Variants in SP1 observed in about 807,000 individuals in gnomAD.
SP1 encodes the protein Sp1 transcription factor.
In SP1, 6 loss-of-function variants were observed where a neutral mutation model predicts 66.3. That is an observed-to-expected ratio of 0.09 (90% CI 0.05 to 0.18). SP1 has a LOEUF of 0.18. Among genes scored for constraint, SP1 ranks in the 10% least tolerant of loss-of-function variants. The pLI is 1.00. For synonymous variants in SP1, 417 were observed against 360.8 expected, an observed-to-expected ratio of 1.16 and a Z score of -1.77; for missense variants, 848 against 964.5, an observed-to-expected ratio of 0.88 and a Z score of 1.60.
At chr12:53,401,263 C>G (rs933548314) in intron 3 of SP1, among the ~76,000 whole-genome samples, 2 of 151,506 alleles carry the variant, frequency 1.3e-5, no homozygotes, top group Admixed American at 6.6e-5. Context: ...CCAGCCTGAC[C>G]AACATGGTGA....
intron 3 of SP1, among the ~76,000 whole-genome samples, chr12:53,385,157 T>C (rs903788014): frequency 6.6e-6 from 1 of 150,676 alleles, no homozygotes; most frequent in African/African-American, 2.5e-5. Context: ...TAGCCAGGCA[T>C]GGTGATGCGC....
At chr12:53,387,335 T>TA (rs1297053079) in intron 3 of SP1, among the ~76,000 whole-genome samples, 3 of 152,220 alleles carry the variant, frequency 2.0e-5, no homozygotes, top group Non-Finnish European at 4.4e-5. Flanking sequence ...AACTGATTCT[T>TA]ACATAAGTGA....
intron 3 of SP1, among the ~76,000 whole-genome samples, chr12:53,393,265 A>G (rs1327096871): frequency 1.3e-5 from 2 of 152,182 alleles, no homozygotes; most frequent in Non-Finnish European, 2.9e-5. Flanking sequence ...CCTGGGCAAC[A>G]TAGTGAAACC....
chr12:53,393,907 A>T (rs1360172837), intron 3 of SP1, among the ~76,000 whole-genome samples: 1 of 151,584 alleles, frequency 6.6e-6, no homozygotes, highest in Non-Finnish European at 1.5e-5. Context: ...CCCAGCCTTT[A>T]ATTAGCCTTT....
Position 53,411,120 on chromosome 12 carries a change from C to G in SP1, c.2238C>G (p.Thr746=), listed in dbSNP as rs1319146893. The G allele has an allele frequency of 1.2e-6, 2 of 1,614,178 alleles. No homozygotes were observed. Among genetic ancestry groups the G allele is most frequent in the Admixed American group, 3.3e-5 (2 of 60,022 alleles). The change falls in exon 6 of 6, where the codon ACC becomes ACG. Residue 746 remains threonine (T), a synonymous_variant. Coordinates refer to ENST00000327443, the MANE Select transcript of SP1 (RefSeq NM_138473.3). ...GTATPSALIT[T]NMVAMEAICP... ...CCACTCCTTCAGCCCTTATTACCAC[C>G]AATATGGTAGCCATGGAGGCCATCT...
chr12:53,381,859 T>G lies in SP1; in HGVS notation c.162+46T>G, dbSNP rs1327785525. 3 of 1,571,570 alleles carry G rather than the reference T, an allele frequency of 1.9e-6. No homozygotes were observed. The Admixed American group carries it at 5.8e-5, about 30-fold the overall frequency. ...GGGGAAGGTGTTGAGAAGATGTAAA[T>G]ATTCTTAGATAATTGCCTTACTCTT... On this transcript the variant is annotated intron_variant, in intron 2 of 5. Transcript: ENST00000327443.
chr12:53,397,849 C>A (rs1210318089), intron 3 of SP1, among the ~76,000 whole-genome samples: 2 of 151,996 alleles, frequency 1.3e-5, no homozygotes, highest in African/African-American at 4.8e-5. Flanking sequence ...CCACTGCGCC[C>A]GACCGTAGAT....
chr12:53,391,774 C>G (rs949256369), intron 3 of SP1, among the ~76,000 whole-genome samples: 8 of 151,204 alleles, frequency 5.3e-5, no homozygotes, highest in South Asian at 2.1e-4. Flanking sequence ...TAGTAGTCCC[C>G]GGTGTCTATT....
chr12:53,403,522 T>G (rs1019379825), intron 3 of SP1, among the ~76,000 whole-genome samples: 2 of 149,848 alleles, frequency 1.3e-5, no homozygotes, highest in East Asian at 3.9e-4. Flanking sequence ...CCAGCTAATT[T>G]TTTTTTTTTT....
At chr12:53,406,811 T>A in intron 4 of SP1, 58 bp downstream of exon 4, 1 of 1,445,776 alleles carries the variant, frequency 6.9e-7, no homozygotes, top group Non-Finnish European at 9.4e-7. Flanking sequence ...GATTTGGAGA[T>A]AAGAGGAAGA....
chr12:53,410,046 C>T (rs964173922), intron 5 of SP1, among the ~76,000 whole-genome samples: 4 of 150,012 alleles, frequency 2.7e-5, no homozygotes, highest in Admixed American at 2.0e-4. Context: ...GTGGCTCATG[C>T]CTGTAATCCC....
At chr12:53,410,080 G>A (rs1347310548) in intron 5 of SP1, among the ~76,000 whole-genome samples, 1 of 151,990 alleles carries the variant, frequency 6.6e-6, no homozygotes, top group Non-Finnish European at 1.5e-5. Context: ...GCCGAGGTGG[G>A]TGGATTTCTT....
At chr12:53,408,959 G>T (rs761509029) in intron 4 of SP1, among the ~76,000 whole-genome samples, 1 of 151,876 alleles carries the variant, frequency 6.6e-6, no homozygotes, top group Non-Finnish European at 1.5e-5. Context: ...AGTGGCTCAC[G>T]CCTGTAATCC....
chr12:53,382,025 C>G (rs915542116), intron 2 of SP1, 85 bp from the exon 3 acceptor site: 3 of 1,338,162 alleles, frequency 2.2e-6, no homozygotes, highest in Non-Finnish European at 3.1e-6. Flanking sequence ...GTCTGCACTA[C>G]GTTGCTGTTT....
At position 53,392,559 on chromosome 12, in the gene SP1, G is replaced by A. The variant is rs866092065; in HGVS notation, c.1675+8937G>A. 5.4e-4 allele frequency among the ~76,000 whole-genome samples: 82 copies of A among 151,038 alleles called. 1 individual carries two copies. Among genetic ancestry groups the A allele is most frequent in the African/African-American group, 1.7e-3 (68 of 41,180 alleles). On this transcript the variant is annotated intron_variant, in intron 3 of 5. Coordinates refer to ENST00000327443, the MANE Select transcript of SP1 (RefSeq NM_138473.3). Reference sequence around the variant, plus strand: ...TTTTTAGTAGAGACGGGGTTTCACCGTTTTAGCCGGGATGGTCTCGATCTC... The same window carrying A: ...TTTTTAGTAGAGACGGGGTTTCACCATTTTAGCCGGGATGGTCTCGATCTC...
At chr12:53,391,655 T>A (rs552052367) in intron 3 of SP1, among the ~76,000 whole-genome samples, 1 of 152,060 alleles carries the variant, frequency 6.6e-6, no homozygotes, top group Admixed American at 6.6e-5. Context: ...TTATTTTGTT[T>A]GTTATATGAT....
rs932389254 is a variant in SP1, at chr12:53,404,254, C to T, written c.1676-2331C>T. On this transcript the variant is annotated intron_variant, in intron 3 of 5. Coordinates refer to ENST00000327443, the MANE Select transcript of SP1 (RefSeq NM_138473.3). ...TTACTTTTGCGAAGAATATTATCAGCCGGGTGCGGTGACTCACGCCTGTAA... is the reference window on the plus strand; with the variant it reads ...TTACTTTTGCGAAGAATATTATCAGTCGGGTGCGGTGACTCACGCCTGTAA... Among the ~76,000 whole-genome samples the T allele has an allele frequency of 4.4e-4, 67 of 151,404 alleles. 1 individual carries two copies. The highest frequency in any genetic ancestry group is 1.0e-4 in the Non-Finnish European group (7 of 67,918).
At chr12:53,389,069 C>T (rs973592609) in intron 3 of SP1, among the ~76,000 whole-genome samples, 3 of 151,478 alleles carry the variant, frequency 2.0e-5, no homozygotes, top group Non-Finnish European at 2.9e-5. Context: ...CTTCTTGGTA[C>T]GATGTAGAAA....
chr12:53,393,294 C>T (rs1204793094), intron 3 of SP1, among the ~76,000 whole-genome samples: 2 of 151,976 alleles, frequency 1.3e-5, no homozygotes, highest in Non-Finnish European at 2.9e-5. Flanking sequence ...TTTTTTCTTT[C>T]TTTCTTTTTT....
Sources: allele counts gnomAD v4.1 joint callset (sites outside exome capture counted in the v4.1 genomes callset), GRCh38; gene constraint gnomAD v4.1.1; transcripts MANE v1.5; gene names NCBI Gene and HGNC (gene_info 2026-07-23, HGNC 2026-07-21).